MS4A4E: variants seen among roughly 807,000 people sequenced by gnomAD.
The protein encoded by MS4A4E is putative membrane-spanning 4-domains subfamily A member 4E.
In MS4A4E, 23 loss-of-function variants were observed where a neutral mutation model predicts 13.3. That is an observed-to-expected ratio of 1.73 (90% confidence interval 1.25 to 2.45). The LOEUF (loss-of-function observed/expected upper bound fraction) is 2.45. Among genes scored for constraint, MS4A4E ranks in the 30% most tolerant of loss-of-function variants. MS4A4E has a pLI of 0.00. For synonymous variants in MS4A4E, 36 were observed against 45.6 expected, an observed-to-expected ratio of 0.79 and a Z score of 0.85; for missense variants, 144 against 131.2, an observed-to-expected ratio of 1.10 and a Z score of -0.48.
At chr11:60,206,297 T>G (rs1404642353) in intron 6 of MS4A4E, among the ~76,000 whole-genome samples, 1 of 151,684 alleles carries the variant, frequency 6.6e-6, no homozygotes, top group Non-Finnish European at 1.5e-5. Flanking sequence ...TTTGCCAGTT[T>G]AATGCCTTTA....
chr11:60,242,643 C>T (rs2084565293), intron 1 of MS4A4E, among the ~76,000 whole-genome samples: 1 of 152,154 alleles, frequency 6.6e-6, no homozygotes. Context: ...TAAAATGTTG[C>T]TTACAGTGTT....
chr11:60,240,986 A>C (rs1294045435), intron 1 of MS4A4E, among the ~76,000 whole-genome samples: 1 of 151,294 alleles, frequency 6.6e-6, no homozygotes, highest in African/African-American at 2.4e-5. Context: ...TAGTCCATCT[A>C]AATGTGTACT....
In MS4A4E at chr11:60,208,698, G is replaced by A; in HGVS notation, c.382-4C>T. ...GGAGCACCATGCCATCCGTACCCTAGGAGAAAACTCATAACAAGGGAATGT... is the reference window on the plus strand; with the variant it reads ...GGAGCACCATGCCATCCGTACCCTAAGAGAAAACTCATAACAAGGGAATGT... On this transcript the variant is annotated splice_polypyrimidine_tract_variant and splice_region_variant and intron_variant, in intron 5 of 8. Coordinates refer to ENST00000651255, the MANE Select transcript of MS4A4E (RefSeq NM_001393391.1). 3 of 1,205,104 alleles carry A rather than the reference G, an allele frequency of 2.5e-6. No individual in the cohort carries two copies. Among genetic ancestry groups the A allele is most frequent in the South Asian group, 1.5e-5 (1 of 65,834 alleles). 74.7% of individuals were successfully genotyped at this position (1,205,104 alleles called of 1,614,324 possible). A position where few individuals can be genotyped will look rare whatever the true frequency, so the allele number is the denominator to read the frequency against.
intron 1 of MS4A4E, among the ~76,000 whole-genome samples, chr11:60,235,833 T>A (rs933240133): frequency 6.6e-5 from 10 of 152,220 alleles, no homozygotes; most frequent in African/African-American, 2.4e-4. Context: ...ATTTGTGTTC[T>A]GCTCACAGGA....
chr11:60,236,649 T>C (rs1480455539), intron 1 of MS4A4E, among the ~76,000 whole-genome samples: 1 of 152,076 alleles, frequency 6.6e-6, no homozygotes, highest in African/African-American at 2.4e-5. Context: ...TTAACTTTTA[T>C]TTTAACTTCA....
rs552773646 is a variant in MS4A4E, at chr11:60,217,851, G to A, written c.179-3237C>T. 2.0e-5 allele frequency among the ~76,000 whole-genome samples: 3 copies of A among 152,218 alleles called. No homozygotes were observed. The South Asian group carries it at 6.2e-4, about 32-fold the overall frequency. On this transcript the variant is annotated intron_variant, in intron 3 of 8. Coordinates refer to ENST00000651255, the MANE Select transcript of MS4A4E (RefSeq NM_001393391.1). The stretch of plus-strand genomic sequence containing the variant: ...AATAATTGCATTAACTGCACAAATT[G>A]TACAGCATGTGTGTTTAAACAATAT...
intron 5 of MS4A4E, among the ~76,000 whole-genome samples, chr11:60,212,634 T>C (rs1010626457): frequency 3.3e-5 from 5 of 152,186 alleles, no homozygotes; most frequent in Non-Finnish European, 7.3e-5. Context: ...ACGCCATTTT[T>C]AGAGGGGTCT....
At chr11:60,204,188 T>C (rs11230188) in intron 8 of MS4A4E, among the ~76,000 whole-genome samples, 16,701 of 152,286 alleles carry the variant, frequency 0.11, 1,001 homozygotes, top group South Asian at 0.15. Flanking sequence ...TAAGGACTTC[T>C]AGGATTTAGT....
intron 1 of MS4A4E, among the ~76,000 whole-genome samples, chr11:60,241,626 T>A (rs2084553071): frequency 6.6e-6 from 1 of 152,202 alleles, no homozygotes; most frequent in Non-Finnish European, 1.5e-5. Flanking sequence ...CTGCCTCCTA[T>A]CTTTACACCA....
At chr11:60,219,185 G>A (rs2084233630) in intron 3 of MS4A4E, among the ~76,000 whole-genome samples, 1 of 152,196 alleles carries the variant, frequency 6.6e-6, no homozygotes, top group African/African-American at 2.4e-5. Context: ...ATAGATTTGA[G>A]AGGGCAGCAC....
chr11:60,239,575 C>T (rs1025485853), intron 1 of MS4A4E, among the ~76,000 whole-genome samples: 3 of 152,112 alleles, frequency 2.0e-5, no homozygotes, highest in Non-Finnish European at 2.9e-5. Flanking sequence ...CTCTTCCTCT[C>T]TTTTGCAGTT....
chr11:60,214,747 G>T (rs1340904752), intron 3 of MS4A4E, 133 bp from the exon 4 acceptor site: 4 of 459,960 alleles, frequency 8.7e-6, no homozygotes, highest in Non-Finnish European at 1.5e-5. Context: ...ATCTTAGAAA[G>T]CAAGAGATTG....
rs1413764675 is a variant in MS4A4E, at chr11:60,200,886, A to AC, written c.*656dup. Among the ~76,000 whole-genome samples, 1 of 147,386 alleles carries AC rather than the reference A, an allele frequency of 6.8e-6. No homozygotes were observed. Among genetic ancestry groups the AC allele is most frequent in the African/African-American group, 2.6e-5 (1 of 38,732 alleles). On this transcript the variant is annotated 3_prime_UTR_variant, in exon 9 of 9. Transcript: ENST00000651255. The stretch of plus-strand genomic sequence containing the variant: ...GGGCGGCTGGGCAGAGGCACCCCTC[A>AC]CCTCCCGGACGGGGCGGCTGGCCGG...
chr11:60,205,505 C>T (rs2084027650), intron 7 of MS4A4E, among the ~76,000 whole-genome samples: 1 of 152,078 alleles, frequency 6.6e-6, no homozygotes. Context: ...TCCATATGTA[C>T]CAGAGTACTA....
chr11:60,234,391 T>G (rs1024035217), intron 1 of MS4A4E, among the ~76,000 whole-genome samples: 1 of 152,206 alleles, frequency 6.6e-6, no homozygotes, highest in African/African-American at 2.4e-5. Context: ...TGTGAAAACT[T>G]AATTGCCATT....
At chr11:60,241,817 C>A (rs2084555900) in intron 1 of MS4A4E, among the ~76,000 whole-genome samples, 1 of 152,170 alleles carries the variant, frequency 6.6e-6, no homozygotes, top group Admixed American at 6.5e-5. Context: ...CTTGGTTTTG[C>A]CACATCACCT....
chr11:60,226,527 G>A (rs1268429879), intron 3 of MS4A4E, among the ~76,000 whole-genome samples: 2 of 152,080 alleles, frequency 1.3e-5, no homozygotes, highest in East Asian at 1.9e-4. Context: ...CAGGCTAAAA[G>A]GAAGAAAAAT....
At chr11:60,241,075 G>A (rs541823404) in intron 1 of MS4A4E, among the ~76,000 whole-genome samples, 37 of 152,088 alleles carry the variant, frequency 2.4e-4, no homozygotes, top group Non-Finnish European at 2.1e-4. Flanking sequence ...CCAGGCTGGC[G>A]TGCAGTGGTG....
chr11:60,234,874 G>T (rs2084462551), intron 1 of MS4A4E, among the ~76,000 whole-genome samples: 1 of 131,368 alleles, frequency 7.6e-6, no homozygotes, highest in Non-Finnish European at 1.7e-5. Context: ...TCACAGAGTG[G>T]CTGAATTTAA....
Sources: allele counts gnomAD v4.1 joint callset (sites outside exome capture counted in the v4.1 genomes callset), GRCh38; gene constraint gnomAD v4.1.1; transcripts MANE v1.5; gene names NCBI Gene and HGNC (gene_info 2026-07-23, HGNC 2026-07-21).